The following WDPCP variants were observed in gnomAD, a reference collection of about 807,000 sequenced individuals.
WDPCP encodes WD repeat-containing and planar cell polarity effector protein fritz homolog.
Under a neutral mutation model 93.1 loss-of-function variants are expected in WDPCP, and 71 were observed. The observed-to-expected ratio is 0.76, with a 90% CI of 0.63 to 0.93. The LOEUF is 0.93. WDPCP is among the 40% of genes least tolerant of loss of function. WDPCP has a pLI of 0.00. For missense variants in WDPCP, 844 were observed against 887.4 expected (o/e 0.95, Z 0.62); for synonymous variants, 315 against 315.0 (o/e 1.00, Z 0.00).
At chr2:63,470,764 T>C (rs1363850171) in intron 6 of WDPCP, among the ~76,000 whole-genome samples, 1 of 152,192 alleles carries the variant, frequency 6.6e-6, no homozygotes, top group East Asian at 1.9e-4. Flanking sequence ...CTAGAAGACA[T>C]ATAACTAGTG....
intron 1 of WDPCP, among the ~76,000 whole-genome samples, chr2:63,537,458 A>G (rs1285913642): frequency 6.6e-6 from 1 of 152,198 alleles, no homozygotes; most frequent in East Asian, 1.9e-4. Flanking sequence ...TACACATTGC[A>G]CCAAGGATGA....
intron 12 of WDPCP, among the ~76,000 whole-genome samples, chr2:63,376,417 T>A (rs560647008): frequency 3.3e-5 from 5 of 151,732 alleles, no homozygotes; most frequent in African/African-American, 4.8e-5. Context: ...GAAAAACCAA[T>A]GAACAAAAAA....
intron 2 of WDPCP, among the ~76,000 whole-genome samples, chr2:63,655,800 T>C (rs1026153257): frequency 6.6e-6 from 1 of 152,236 alleles, no homozygotes; most frequent in African/African-American, 2.4e-5. Flanking sequence ...TTGAAGATAT[T>C]TCCCCATTAA....
chr2:63,161,664 A>G (rs1307801848), intron 15 of WDPCP, among the ~76,000 whole-genome samples: 3 of 152,214 alleles, frequency 2.0e-5, no homozygotes, highest in Admixed American at 1.3e-4. Flanking sequence ...GTGACAATAT[A>G]ATTTGACTAA....
chr2:63,486,739 A>T (rs543183102), intron 3 of WDPCP, among the ~76,000 whole-genome samples, 153 bp from the exon 4 acceptor site: 4 of 151,976 alleles, frequency 2.6e-5, no homozygotes, highest in African/African-American at 9.7e-5. Context: ...TTCTAAAAGG[A>T]CAGTTGAAAA....
intron 2 of WDPCP, among the ~76,000 whole-genome samples, chr2:63,796,496 C>T (rs967665075): frequency 1.3e-5 from 2 of 152,208 alleles, no homozygotes; most frequent in African/African-American, 4.8e-5. Context: ...CTGGTACTAC[C>T]CCCTCCCCCA....
chr2:63,533,952 G>C (rs1226908180), intron 1 of WDPCP, among the ~76,000 whole-genome samples: 1 of 151,924 alleles, frequency 6.6e-6, no homozygotes, highest in East Asian at 1.9e-4. Context: ...CAACAAAACA[G>C]ATAGACTGCT....
chr2:63,335,700 T>C (rs1186177555), intron 12 of WDPCP, among the ~76,000 whole-genome samples: 2 of 152,124 alleles, frequency 1.3e-5, no homozygotes, highest in African/African-American at 2.4e-5. Context: ...TTAGGTCTAA[T>C]TGTCAGAGGC....
chr2:63,373,425 A>T (rs1691579415), intron 12 of WDPCP, among the ~76,000 whole-genome samples: 1 of 151,488 alleles, frequency 6.6e-6, no homozygotes. Context: ...CTAATTTTTT[A>T]AAAAACGTTT....
At chr2:63,529,028 T>G (rs957421054) in intron 1 of WDPCP, among the ~76,000 whole-genome samples, 1 of 152,222 alleles carries the variant, frequency 6.6e-6, no homozygotes, top group Non-Finnish European at 1.5e-5. Flanking sequence ...CTATTATTGA[T>G]GTATAAGAAT....
chr2:63,588,813 A>C (rs1331958334), upstream of WDPCP: 25 of 606,770 alleles, frequency 4.1e-5, no homozygotes, highest in Non-Finnish European at 3.2e-5. Flanking sequence ...AAGAGCTTGA[A>C]AAAAACCTCT....
chr2:63,240,932 T>C (rs1232284860), intron 14 of WDPCP, among the ~76,000 whole-genome samples: 1 of 152,204 alleles, frequency 6.6e-6, no homozygotes, highest in Non-Finnish European at 1.5e-5. Flanking sequence ...TTTTGGAATA[T>C]AGTAATCTAG....
intron 17 of WDPCP, among the ~76,000 whole-genome samples, chr2:63,124,638 G>A (rs1444569156): frequency 1.3e-5 from 2 of 151,964 alleles, no homozygotes; most frequent in African/African-American, 2.4e-5. Flanking sequence ...ATTATGTTAG[G>A]TTTCCTCTGT....
At chr2:63,538,756 C>G (rs952963832) in intron 1 of WDPCP, among the ~76,000 whole-genome samples, 4 of 152,058 alleles carry the variant, frequency 2.6e-5, no homozygotes, top group Non-Finnish European at 5.9e-5. Context: ...GACAAGAACT[C>G]AGCAGTTATA....
At chr2:63,340,580 T>C (rs756525618) in intron 12 of WDPCP, among the ~76,000 whole-genome samples, 5 of 152,210 alleles carry the variant, frequency 3.3e-5, no homozygotes, top group Non-Finnish European at 7.3e-5. Context: ...TTGACCACCT[T>C]AATCTTACTT....
chr2:63,550,192 A>AACACACACACACAC (rs56155473), intron 1 of WDPCP, among the ~76,000 whole-genome samples: 2 of 44,350 alleles, frequency 4.5e-5, no homozygotes, highest in Non-Finnish European at 7.3e-5. Context: ...CATCTTAAGA[A>AACACACACACACAC]ACACACACAC....
chr2:63,247,572 A>C (rs556304452), intron 14 of WDPCP, among the ~76,000 whole-genome samples: 1 of 152,026 alleles, frequency 6.6e-6, no homozygotes, highest in East Asian at 1.9e-4. Context: ...CAAAAATATT[A>C]TATAAAATTG....
At chr2:63,764,285 A>G (rs1037733043) in intron 2 of WDPCP, among the ~76,000 whole-genome samples, 1 of 152,208 alleles carries the variant, frequency 6.6e-6, no homozygotes, top group African/African-American at 2.4e-5. Context: ...ATTTTCCTCC[A>G]AAAAGTATAA....
intron 1 of WDPCP, among the ~76,000 whole-genome samples, chr2:63,506,131 C>A (rs1319330282): frequency 2.6e-5 from 4 of 152,074 alleles, no homozygotes; most frequent in African/African-American, 9.7e-5. Context: ...TCTAAAGTCA[C>A]TGTAATTCAC....
Sources: allele counts gnomAD v4.1 joint callset (sites outside exome capture counted in the v4.1 genomes callset), GRCh38; gene constraint gnomAD v4.1.1; transcripts MANE v1.5; gene names NCBI Gene and HGNC (gene_info 2026-07-23, HGNC 2026-07-21).